TXNDC11: variants seen among roughly 807,000 people sequenced by gnomAD.
TXNDC11 encodes thioredoxin domain containing 11.
A neutral mutation model predicts 78.0 loss-of-function variants in TXNDC11; 68 were observed. That is an observed-to-expected ratio of 0.87 (90% CI 0.72 to 1.07). The LOEUF (loss-of-function observed/expected upper bound fraction) is 1.07, where lower values mean the gene tolerates loss of function less well. Among genes scored for constraint, TXNDC11 ranks in the 50% least tolerant of loss-of-function variants. TXNDC11 has a pLI of 0.00. For synonymous variants in TXNDC11, 571 were observed against 495.2 expected (o/e 1.15, Z -2.03); for missense variants, 1,389 against 1,221.8 (o/e 1.14, Z -2.04).
intron 7 of TXNDC11, among the ~76,000 whole-genome samples, chr16:11,694,232 C>A (rs1269312385): frequency 3.3e-5 from 5 of 151,428 alleles, no homozygotes; most frequent in African/African-American, 7.3e-5. Flanking sequence ...GCCTTAGCCT[C>A]CCAGGTAGCT....
Position 11,742,655 on chromosome 16 carries a change from C to A in TXNDC11, c.76G>T (p.Gly26Cys), listed in dbSNP as rs1461760432. The A allele has an allele frequency of 3.4e-6, 5 of 1,454,384 alleles. No homozygotes were observed. Among genetic ancestry groups the A allele is most frequent in the South Asian group, 1.3e-5 (1 of 75,634 alleles). The allele number at this position is 1,454,384 out of a possible 1,614,324, so 90.1% of individuals were successfully genotyped here. Residue 26 changes from glycine to cysteine, a missense_variant, in exon 1 of 12, where the codon GGC becomes TGC. By Grantham distance (159) the Gly-to-Cys change is radical (BLOSUM62 -3). Transcript: ENST00000283033. ...DAEDEGGGGG[G>C]PAGSDCLSSS... ...CTGAGGCAGTCTGAGCCCGCGGGGC[C>A]GCCGCCGCCCCCTCCCTCGTCCTCG...
chr16:11,693,491 G>A (rs922600879), intron 7 of TXNDC11, among the ~76,000 whole-genome samples: 5 of 151,914 alleles, frequency 3.3e-5, no homozygotes, highest in African/African-American at 1.2e-4. Flanking sequence ...GTCTGCATGT[G>A]TAAAACAATT....
At chr16:11,697,902 C>T (rs1362954443) in intron 7 of TXNDC11, among the ~76,000 whole-genome samples, 1 of 152,236 alleles carries the variant, frequency 6.6e-6, no homozygotes, top group Non-Finnish European at 1.5e-5. Context: ...CAGACACCAA[C>T]AGCTGTCAAT....
At chr16:11,714,144 C>T (rs1597460828) in intron 5 of TXNDC11, among the ~76,000 whole-genome samples, 1 of 152,034 alleles carries the variant, frequency 6.6e-6, no homozygotes, top group Admixed American at 6.6e-5. Flanking sequence ...TAGGTTCAAA[C>T]CATCCTCCCA....
intron 4 of TXNDC11, among the ~76,000 whole-genome samples, chr16:11,723,610 A>AC (rs1045534595): frequency 5.3e-5 from 8 of 152,072 alleles, no homozygotes; most frequent in African/African-American, 1.9e-4. Context: ...CAAAAAAAAA[A>AC]CCCACAAAAC....
At position 11,679,387 on chromosome 16, in the gene TXNDC11, CTT is replaced by C; in HGVS notation, c.2683_2684del (p.Lys895AspfsTer17). ...ENLLTENTWL[K>X]ILVATMERKL... ...TCCTCTCCATGGTCGCCACCAGGAT[CTT>C]GAGCCACGTGTTCTCGGTAAGGAGG... On this transcript the variant is annotated frameshift_variant, in exon 12 of 12. Coordinates refer to ENST00000283033, the MANE Select transcript of TXNDC11 (RefSeq NM_015914.7). LOFTEE classifies it low-confidence loss of function (END_TRUNC). This position sits in a 1 kb window ranked among gnomAD's most constrained non-coding sequence, Gnocchi z 4.6. 6.2e-7 allele frequency: 1 copy of C among 1,611,322 alleles called. No homozygotes were observed. Among genetic ancestry groups the C allele is most frequent in the Non-Finnish European group, 8.5e-7 (1 of 1,178,958 alleles).
Position 11,721,628 on chromosome 16 carries a change from G to A in TXNDC11, c.742C>T (p.Pro248Ser), listed in dbSNP as rs1234026709. ...GTGAAGAAGGTCAAATAACCAGGAG[G>A]CTGGGGTGAGCCACTGAACTCAAAG... ...GYFEFSGSPQ[P>S]PGYLTFFTSA... The change falls in exon 5 of 12, where the codon CCT becomes TCT. Residue 248 changes from proline (P) to serine (S), a missense_variant. Transcript: ENST00000283033. The A allele has an allele frequency of 1.9e-6, 3 of 1,612,472 alleles. No homozygotes were observed. The highest frequency in any genetic ancestry group is 2.2e-5 in the East Asian group (1 of 44,818).
intron 5 of TXNDC11, among the ~76,000 whole-genome samples, chr16:11,705,025 G>C (rs2051144784): frequency 1.3e-5 from 2 of 151,886 alleles, no homozygotes; most frequent in South Asian, 4.2e-4. Context: ...CTCCCGAGTA[G>C]CTGGGATTAT....
chr16:11,683,136 T>TAA (rs2050471758), intron 11 of TXNDC11, among the ~76,000 whole-genome samples: 1 of 152,170 alleles, frequency 6.6e-6, no homozygotes, highest in African/African-American at 2.4e-5. Context: ...AAACATCCAG[T>TAA]GTATTAGGCT....
intron 10 of TXNDC11, among the ~76,000 whole-genome samples, chr16:11,684,752 G>A (rs1364967843): frequency 6.6e-6 from 1 of 152,210 alleles, no homozygotes; most frequent in Non-Finnish European, 1.5e-5. Context: ...CACCCAGCCT[G>A]TGCTCAATCA....
intron 3 of TXNDC11, among the ~76,000 whole-genome samples, chr16:11,733,287 A>G (rs1597494509): frequency 6.6e-6 from 1 of 151,858 alleles, no homozygotes; most frequent in Non-Finnish European, 1.5e-5. Flanking sequence ...AAGATAAAAT[A>G]AAACTCTTTC....
At chr16:11,689,170 C>G (rs1218470336) in intron 8 of TXNDC11, among the ~76,000 whole-genome samples, 1 of 151,002 alleles carries the variant, frequency 6.6e-6, no homozygotes, top group African/African-American at 2.4e-5. Context: ...CTCACTGTAG[C>G]CTTAAACTCC....
intron 5 of TXNDC11, among the ~76,000 whole-genome samples, chr16:11,717,434 G>GACAAAAA (rs1567332435): frequency 3.2e-5 from 2 of 62,328 alleles, no homozygotes; most frequent in Non-Finnish European, 5.6e-5. Context: ...GACTCCAAAT[G>GACAAAAA]AAAAAAAAAA....
At chr16:11,720,156 A>T (rs1027175820) in intron 5 of TXNDC11, among the ~76,000 whole-genome samples, 1 of 152,174 alleles carries the variant, frequency 6.6e-6, no homozygotes, top group Admixed American at 6.5e-5. Context: ...CAACAACATA[A>T]AACAATTGGG....
In TXNDC11 at chr16:11,679,246, A is replaced by G. The variant is rs1409974840; in HGVS notation, c.2826T>C (p.Asn942=). 6.2e-7 allele frequency: 1 copy of G among 1,613,446 alleles called. No individual in the cohort carries two copies. The highest frequency in any genetic ancestry group is 8.5e-7 in the Non-Finnish European group (1 of 1,180,012). Residue 942 remains asparagine, a synonymous_variant, in exon 12 of 12, where the codon AAT becomes AAC. Coordinates refer to ENST00000283033, the MANE Select transcript of TXNDC11 (RefSeq NM_015914.7). The surrounding 1 kb of genome is among the most constrained non-coding windows in gnomAD (Gnocchi z 4.6). ...TTTCAGACACCAGTGTGGCGCTGACATTGGCAGGTGGAGGGGAGCTGCCAG... is the reference window on the plus strand; with the variant it reads ...TTTCAGACACCAGTGTGGCGCTGACGTTGGCAGGTGGAGGGGAGCTGCCAG... ...QLPGSSPPPA[N]VSATLVSERN...
chr16:11,700,499 C>A lies in TXNDC11; in HGVS notation c.859G>T (p.Val287Leu). Reference sequence around the variant, plus strand: ...TGTAAATACACACTTCCAGAGTGTACTAAGGATACCAGTTTCGCAAGATGT... The same window carrying A: ...TGTAAATACACACTTCCAGAGTGTAATAAGGATACCAGTTTCGCAAGATGT... ...NKHLAKLVSL[V>L]HSGSVYLHRH... The change falls in exon 6 of 12, where the codon GTA (valine) becomes TTA (leucine). Residue 287 changes from valine to leucine, a missense_variant. By Grantham distance (32) the Val-to-Leu change is conservative (BLOSUM62 1). Transcript: ENST00000283033. 1 of 1,602,332 alleles carries A rather than the reference C, an allele frequency of 6.2e-7. No individual in the cohort carries two copies. Among genetic ancestry groups the A allele is most frequent in the Non-Finnish European group, 8.6e-7 (1 of 1,169,530 alleles).
At chr16:11,706,897 A>G (rs915554443) in intron 5 of TXNDC11, among the ~76,000 whole-genome samples, 25 of 152,128 alleles carry the variant, frequency 1.6e-4, no homozygotes, top group Non-Finnish European at 2.9e-5. Context: ...GTCCACTTAC[A>G]TGCATATTTT....
In TXNDC11 at chr16:11,721,590, A is replaced by C. The variant is rs1249346721; in HGVS notation, c.780T>G (p.His260Gln). 8 of 1,605,616 alleles carry C rather than the reference A, an allele frequency of 5.0e-6. No individual in the cohort carries two copies. The highest frequency in any genetic ancestry group is 6.8e-6 in the Non-Finnish European group (8 of 1,173,012). ...GYLTFFTSALHSLKKDYLGTV... is the reference protein window; with the variant it reads ...GYLTFFTSALQSLKKDYLGTV... ...ATCATTTTTTACCTTTCTTTAATGA[A>C]TGTAATGCTGAGGTGAAGAAGGTCA... The change falls in exon 5 of 12, where the codon CAT becomes CAG. Residue 260 changes from histidine (H) to glutamine (Q), a missense_variant. By Grantham distance (24) the His-to-Gln change is conservative. Transcript: ENST00000283033.
chr16:11,724,870 C>G (rs562567736), intron 4 of TXNDC11, among the ~76,000 whole-genome samples: 1 of 152,082 alleles, frequency 6.6e-6, no homozygotes, highest in Admixed American at 6.5e-5. Context: ...CTCAGCCTCC[C>G]GAGTAGCTGG....
Sources: gnomAD v4.1 joint callset for allele counts (sites outside exome capture counted in the v4.1 genomes callset) on GRCh38, gnomAD v4.1.1 for gene constraint, Gnocchi (gnomAD v3.1) non-coding constraint, MANE v1.5 for transcripts, NCBI Gene and HGNC (gene_info 2026-07-23, HGNC 2026-07-21) for gene names.